MIGA1: variants seen among roughly 807,000 people sequenced by gnomAD.
MIGA1 encodes the protein mitoguardin 1, also known as family with sequence similarity 73, member A.
MIGA1 carries 58 observed loss-of-function variants against 82.0 expected under a neutral mutation model. The ratio of observed to expected loss-of-function variants is 0.71; its 90% CI spans 0.57 to 0.88. The LOEUF is 0.88. Ranked by LOEUF, MIGA1 falls within the 40% of genes least tolerant of loss-of-function variation. MIGA1 has a pLI of 0.00. For synonymous variants in MIGA1, 249 were observed against 253.6 expected (o/e 0.98, Z 0.17); for missense variants, 751 against 749.1 (o/e 1.00, Z -0.03).
intron 5 of MIGA1, among the ~76,000 whole-genome samples, chr1:77,808,824 C>A (rs1166924551): frequency 6.6e-6 from 1 of 152,224 alleles, no homozygotes; most frequent in East Asian, 1.9e-4. Flanking sequence ...AATAGTTAGA[C>A]TATCTCATCT....
At chr1:77,815,292 A>C (rs1557908321) in intron 7 of MIGA1, 61 bp downstream of exon 7, 2 of 1,354,794 alleles carry the variant, frequency 1.5e-6, no homozygotes, top group South Asian at 3.3e-5. Context: ...TATCCTTGGA[A>C]TCATCTGCAT....
chr1:77,820,620 T>A (rs1683768506), intron 7 of MIGA1, among the ~76,000 whole-genome samples: 1 of 152,172 alleles, frequency 6.6e-6, no homozygotes, highest in African/African-American at 2.4e-5. Flanking sequence ...TTTTTGTTGT[T>A]GTTGTTGTTC....
intron 8 of MIGA1, chr1:77,847,277 A>G: frequency 1.0e-6 from 1 of 968,070 alleles, no homozygotes. Flanking sequence ...GCCATGAAAC[A>G]GACCAAACTG....
intron 5 of MIGA1, chr1:77,811,499 C>G (rs2101790329): frequency 1.3e-6 from 2 of 1,559,924 alleles, no homozygotes; most frequent in Middle Eastern, 4.6e-4. Flanking sequence ...AGGATTGGTT[C>G]TAGCTTCTTC....
At chr1:77,864,455 C>T (rs903911231) in intron 13 of MIGA1, among the ~76,000 whole-genome samples, 1 of 151,766 alleles carries the variant, frequency 6.6e-6, no homozygotes, top group Admixed American at 6.6e-5. Context: ...GCAAGTGGAT[C>T]ATTTGAGGTC....
At chr1:77,869,907 CG>C (rs1210534232) in intron 14 of MIGA1, among the ~76,000 whole-genome samples, 2 of 121,978 alleles carry the variant, frequency 1.6e-5, no homozygotes, top group Admixed American at 7.6e-5. Flanking sequence ...GCTGGCCGGG[CG>C]GGGGGCTGAC....
At chr1:77,850,224 G>A (rs1684996253) in intron 8 of MIGA1, among the ~76,000 whole-genome samples, 1 of 152,172 alleles carries the variant, frequency 6.6e-6, no homozygotes, top group Non-Finnish European at 1.5e-5. Context: ...CGCAGAGGGA[G>A]TGACCCAAGA....
At chr1:77,809,792 T>A (rs1683248386) in intron 5 of MIGA1, among the ~76,000 whole-genome samples, 2 of 150,638 alleles carry the variant, frequency 1.3e-5, no homozygotes, top group African/African-American at 4.9e-5. Flanking sequence ...GTTTTATTTA[T>A]GCCCCATTAA....
intron 7 of MIGA1, among the ~76,000 whole-genome samples, chr1:77,819,049 C>T (rs1279410788): frequency 2.1e-5 from 3 of 144,928 alleles, no homozygotes; most frequent in Non-Finnish European, 3.0e-5. Context: ...CACTGCACTC[C>T]AGTCTGGGCG....
intron 3 of MIGA1, among the ~76,000 whole-genome samples, chr1:77,801,995 T>A (rs1332664674): frequency 6.6e-6 from 1 of 152,206 alleles, no homozygotes; most frequent in Non-Finnish European, 1.5e-5. Context: ...CCCTTTAGGA[T>A]GCTTGTGTTT....
intron 2 of MIGA1, among the ~76,000 whole-genome samples, chr1:77,793,027 G>T (rs985227273): frequency 2.0e-5 from 3 of 152,016 alleles, no homozygotes; most frequent in Admixed American, 2.0e-4. Context: ...CTGACCTTAG[G>T]TGATCTGCCC....
intron 4 of MIGA1, among the ~76,000 whole-genome samples, chr1:77,805,783 A>T (rs1683077356): frequency 6.6e-6 from 1 of 151,996 alleles, no homozygotes; most frequent in Admixed American, 6.6e-5. Flanking sequence ...TTGGCCTCCA[A>T]AGTGCTGGGA....
intron 14 of MIGA1, among the ~76,000 whole-genome samples, chr1:77,867,493 G>C (rs1338624890): frequency 6.6e-6 from 1 of 152,080 alleles, no homozygotes; most frequent in African/African-American, 2.4e-5. Flanking sequence ...ATGCCTGGCT[G>C]ATTTTTTATT....
intron 7 of MIGA1, among the ~76,000 whole-genome samples, chr1:77,829,777 GT>G (rs953072365): frequency 1.3e-5 from 2 of 151,858 alleles, no homozygotes; most frequent in African/African-American, 2.4e-5. Flanking sequence ...GGCCGTAGAA[GT>G]TTTTTTAAAT....
chr1:77,803,392 C>A lies in MIGA1; in HGVS notation c.496C>A (p.Gln166Lys). Reference sequence around the variant, plus strand: ...TTTCAGTAAATATTCAGGTTCTGCACAGAGTTTGGCCTCTGTAAGTACAGA... The same window carrying A: ...TTTCAGTAAATATTCAGGTTCTGCAAAGAGTTTGGCCTCTGTAAGTACAGA... Residue 166 changes from glutamine to lysine, a missense_variant, in exon 4 of 16, where the codon CAG (glutamine) becomes AAG (lysine). Gln to Lys is a moderately conservative substitution (Grantham distance 53). Transcript: ENST00000370791. The A allele has an allele frequency of 1.3e-6, 2 of 1,540,000 alleles. No homozygotes were observed. The highest frequency in any genetic ancestry group is 2.4e-5 in the East Asian group (1 of 42,254).
chr1:77,864,685 G>A (rs1685597325), intron 13 of MIGA1, among the ~76,000 whole-genome samples: 1 of 152,082 alleles, frequency 6.6e-6, no homozygotes, highest in African/African-American at 2.4e-5. Flanking sequence ...TCAAAAAAAT[G>A]TCAAAACTGG....
intron 12 of MIGA1, among the ~76,000 whole-genome samples, chr1:77,863,595 A>G (rs764341150): frequency 2.0e-5 from 3 of 152,212 alleles, no homozygotes; most frequent in Non-Finnish European, 4.4e-5. Flanking sequence ...ATATACCAGT[A>G]ACTAAATAAC....
At chr1:77,834,312 C>T (rs1198128731) in intron 7 of MIGA1, among the ~76,000 whole-genome samples, 1 of 152,020 alleles carries the variant, frequency 6.6e-6, no homozygotes, top group Non-Finnish European at 1.5e-5. Flanking sequence ...AATAGCTGGA[C>T]TACATTGTGC....
At chr1:77,841,117 C>G (rs1208789672) in intron 7 of MIGA1, among the ~76,000 whole-genome samples, 1 of 151,958 alleles carries the variant, frequency 6.6e-6, no homozygotes, top group Admixed American at 6.6e-5. Context: ...GTTTTATTCT[C>G]TAGTTTAATG....
Sources: allele counts gnomAD v4.1 joint callset (sites outside exome capture counted in the v4.1 genomes callset), GRCh38; gene constraint gnomAD v4.1.1; transcripts MANE v1.5; gene names NCBI Gene and HGNC (gene_info 2026-07-23, HGNC 2026-07-21).